Variants in TJP2 observed in about 807,000 individuals in gnomAD.
The protein encoded by TJP2 is tight junction protein 2, also known as Friedreich ataxia region gene X104 (tight junction protein ZO-2).
A neutral mutation model predicts 133.1 loss-of-function variants in TJP2; 91 were observed. The ratio of observed to expected loss-of-function variants is 0.68; its 90% CI spans 0.58 to 0.81. The LOEUF (loss-of-function observed/expected upper bound fraction) is 0.81, where lower values mean the gene tolerates loss of function less well. Ranked by LOEUF, TJP2 falls within the 40% of genes least tolerant of loss-of-function variation. TJP2 has a pLI of 0.00. For synonymous variants in TJP2, 592 were observed against 583.4 expected (o/e 1.01, Z -0.21); for missense variants, 1,541 against 1,565.6 (o/e 0.98, Z 0.26).
upstream of TJP2, chr9:69,174,112 G>A (rs2132932477): frequency 3.4e-6 from 4 of 1,191,608 alleles, no homozygotes; most frequent in South Asian, 1.6e-4. Context: ...TTCCCCGGCA[G>A]GCGCGTGGGT....
chr9:69,182,461 C>T (rs1825581306), intron 1 of TJP2, among the ~76,000 whole-genome samples: 1 of 151,902 alleles, frequency 6.6e-6, no homozygotes, highest in Non-Finnish European at 1.5e-5. Flanking sequence ...TCGTTTTGAG[C>T]CTAAATTGAA....
rs776523938 is a variant in TJP2 at position 69,205,351 on chromosome 9, G to A, written c.61-7197G>A. The stretch of plus-strand genomic sequence containing the variant: ...ATCCTCAGATTGATTTGTGCTTCTG[G>A]CATCTTTCAGCAACAAATTGTGAGA... On this transcript the variant is annotated intron_variant, in intron 1 of 22. Transcript: ENST00000377245. 31 of 1,495,014 alleles carry A rather than the reference G, an allele frequency of 2.1e-5. No homozygotes were observed. In the South Asian group the frequency reaches 3.9e-4, roughly 19 times the overall value. 92.6% of individuals were successfully genotyped at this position (1,495,014 alleles called of 1,614,324 possible).
intron 1 of TJP2, among the ~76,000 whole-genome samples, chr9:69,203,562 CCAAAGTGCTGGGAT>C (rs1827160143): frequency 6.7e-6 from 1 of 148,776 alleles, no homozygotes; most frequent in Non-Finnish European, 1.5e-5. Context: ...CCTCAGCCTC[CCAAAGTGCTGGGAT>C]TATAGGCATG....
intron 2 of TJP2, among the ~76,000 whole-genome samples, chr9:69,165,567 T>C (rs1405855517): frequency 6.6e-6 from 1 of 152,200 alleles, no homozygotes; most frequent in Non-Finnish European, 1.5e-5. Flanking sequence ...TAGTATAGTA[T>C]ATGAAAAGCT....
chr9:69,174,149 G>T, upstream of TJP2: 3 of 1,261,464 alleles, frequency 2.4e-6, no homozygotes, highest in East Asian at 3.3e-5. Flanking sequence ...ACAGTTTCCC[G>T]GGCCGGGCGG....
intron 1 of TJP2, among the ~76,000 whole-genome samples, chr9:69,134,228 G>A (rs926899544): frequency 5.3e-5 from 8 of 152,174 alleles, no homozygotes; most frequent in Non-Finnish European, 1.0e-4. Flanking sequence ...AGTTGGACTG[G>A]AACACCCAAC....
chr9:69,251,706 C>T (rs1246394821), intron 21 of TJP2, among the ~76,000 whole-genome samples: 1 of 152,026 alleles, frequency 6.6e-6, no homozygotes, highest in African/African-American at 2.4e-5. Flanking sequence ...TTCATTGGCT[C>T]CCAGATTTGC....
In TJP2 at chr9:69,164,322, A is replaced by G. The variant is rs796789870; in HGVS notation, c.-10+12551A>G. Among the ~76,000 whole-genome samples the G allele has an allele frequency of 5.9e-5, 9 of 152,210 alleles. No individual in the cohort carries two copies. The East Asian group carries it at 1.5e-3, about 26-fold the overall frequency. Reference sequence around the variant, plus strand: ...AGCCGATTCTGGTGATAAGTTTTTTAAAGCAATTCAGGAATGCAGAGGGCC... The same window carrying G: ...AGCCGATTCTGGTGATAAGTTTTTTGAAGCAATTCAGGAATGCAGAGGGCC... On this transcript the variant is annotated intron_variant, in intron 2 of 5. Transcript: ENST00000423935.
At chr9:69,205,232 G>T in intron 1 of TJP2, 3 of 1,537,196 alleles carry the variant, frequency 2.0e-6, no homozygotes, top group African/African-American at 1.4e-5. Context: ...TGGAAAGGCC[G>T]TGTGAGTCCC....
chr9:69,203,607 A>ACTTTTTTTTTT (rs1483893657), intron 1 of TJP2, among the ~76,000 whole-genome samples: 1 of 67,860 alleles, frequency 1.5e-5, no homozygotes, highest in Non-Finnish European at 2.5e-5. Flanking sequence ...CCCAGCCTGG[A>ACTTTTTTTTTT]TTTTTTTTTT....
chr9:69,173,605 T>C (rs1824812387), upstream of TJP2, among the ~76,000 whole-genome samples: 1 of 152,164 alleles, frequency 6.6e-6, no homozygotes, highest in South Asian at 2.1e-4. Context: ...CTTATAACCC[T>C]CGGAATTCGG....
chr9:69,202,558 G>A (rs1827071385), intron 1 of TJP2, among the ~76,000 whole-genome samples: 1 of 152,150 alleles, frequency 6.6e-6, no homozygotes, highest in Admixed American at 6.5e-5. Flanking sequence ...AACATAAACA[G>A]TCAATGAACG....
At chr9:69,184,511 G>A (rs978350244) in intron 1 of TJP2, among the ~76,000 whole-genome samples, 2 of 152,144 alleles carry the variant, frequency 1.3e-5, no homozygotes, top group African/African-American at 4.8e-5. Context: ...AATGGCTTCT[G>A]CTTTCCTTCA....
chr9:69,231,814 A>G (rs1477212100), intron 11 of TJP2, among the ~76,000 whole-genome samples: 1 of 152,198 alleles, frequency 6.6e-6, no homozygotes, highest in Admixed American at 6.5e-5. Context: ...AATGTTACTG[A>G]TGAAAACCCA....
chr9:69,138,164 G>A (rs916386529), intron 1 of TJP2, among the ~76,000 whole-genome samples: 12 of 152,064 alleles, frequency 7.9e-5, no homozygotes, highest in African/African-American at 9.7e-5. Flanking sequence ...CGTTCCGCCC[G>A]TTCCATACCC....
chr9:69,221,888 G>A (rs1828900612), intron 5 of TJP2, among the ~76,000 whole-genome samples: 1 of 121,652 alleles, frequency 8.2e-6, no homozygotes, highest in African/African-American at 3.2e-5. Context: ...TTTTTGAGAC[G>A]GAGTCTTGAG....
intron 13 of TJP2, 77 bp downstream of exon 13, chr9:69,236,315 C>T (rs1264783217): frequency 7.6e-6 from 11 of 1,449,486 alleles, no homozygotes; most frequent in Admixed American, 1.8e-5. Context: ...CCCCTTCCCC[C>T]GTAAAAGGAA....
At chr9:69,213,434 TTTC>T (rs1269619955) in intron 2 of TJP2, among the ~76,000 whole-genome samples, 2 of 152,098 alleles carry the variant, frequency 1.3e-5, no homozygotes, top group East Asian at 3.9e-4. Flanking sequence ...TTCTGCAGGG[TTTC>T]TTCTTCTGGC....
upstream of TJP2, among the ~76,000 whole-genome samples, chr9:69,169,847 T>C (rs1380959811): frequency 6.6e-6 from 1 of 152,286 alleles, no homozygotes; most frequent in East Asian, 1.9e-4. Flanking sequence ...GACCAACTTA[T>C]TTCTTATTTT....
Sources: gnomAD v4.1 joint callset for allele counts (sites outside exome capture counted in the v4.1 genomes callset) on GRCh38, gnomAD v4.1.1 for gene constraint, MANE v1.5 for transcripts, NCBI Gene and HGNC (gene_info 2026-07-23, HGNC 2026-07-21) for gene names.